CEP41: variants seen among roughly 807,000 people sequenced by gnomAD.
CEP41 encodes centrosomal protein 41, also known as centrosomal protein of 41 kDa.
In CEP41, 32 loss-of-function variants were observed where a neutral mutation model predicts 44.3. The observed-to-expected ratio is 0.72, with a 90% CI of 0.54 to 0.97. The LOEUF is 0.97. Among genes scored for constraint, CEP41 ranks in the 50% least tolerant of loss-of-function variants. CEP41 has a pLI of 0.00. For synonymous variants in CEP41, 151 were observed against 168.5 expected (o/e 0.90, Z 0.80); for missense variants, 432 against 455.2 (o/e 0.95, Z 0.46).
chr7:130,441,213 G>T, upstream of CEP41: 1 of 654,638 alleles, frequency 1.5e-6, no homozygotes, highest in Non-Finnish European at 2.8e-6. Context: ...TGTTCTCTGG[G>T]CTGGGGCTCG....
At chr7:130,411,709 T>C (rs1797186299) in intron 4 of CEP41, among the ~76,000 whole-genome samples, 1 of 152,190 alleles carries the variant, frequency 6.6e-6, no homozygotes, top group Non-Finnish European at 1.5e-5. Flanking sequence ...AGTGGAACTC[T>C]TGGAACTGGA....
Position 130,398,085 on chromosome 7 carries a change from A to G in CEP41, c.*806T>C. The G allele has an allele frequency of 4.4e-6, 2 of 454,158 alleles. No homozygotes were observed. The highest frequency in any genetic ancestry group is 3.1e-5 in the South Asian group (2 of 64,476). 28.1% of individuals were successfully genotyped at this position (454,158 alleles called of 1,614,324 possible). A position where few individuals can be genotyped will look rare whatever the true frequency, so the allele number is the denominator to read the frequency against. The stretch of plus-strand genomic sequence containing the variant: ...GGACTGAAGCTGGGCAATGGGCGTC[A>G]TAACTGATATACTGACCACAAGTGA... On this transcript the variant is annotated 3_prime_UTR_variant, in exon 11 of 11. Transcript: ENST00000223208.
intron 2 of CEP41, among the ~76,000 whole-genome samples, chr7:130,424,177 AC>A (rs1299586124): frequency 6.6e-6 from 1 of 152,184 alleles, no homozygotes; most frequent in African/African-American, 2.4e-5. Flanking sequence ...CAGGTGGATC[AC>A]TTGAGGTCAG....
intron 1 of CEP41, among the ~76,000 whole-genome samples, chr7:130,439,549 C>T (rs1309805619): frequency 6.6e-6 from 1 of 152,156 alleles, no homozygotes; most frequent in Non-Finnish European, 1.5e-5. Context: ...ACCCTCCAGG[C>T]TCTGGTAACC....
intron 1 of CEP41, among the ~76,000 whole-genome samples, chr7:130,436,509 C>T (rs1554426172): frequency 6.6e-6 from 1 of 151,848 alleles, no homozygotes; most frequent in Non-Finnish European, 1.5e-5. Flanking sequence ...TAAATCTATA[C>T]AAGTGATAAA....
At position 130,400,710 on chromosome 7, in the gene CEP41, C is replaced by T. The variant is rs201834429; in HGVS notation, c.754G>A (p.Gly252Arg). 198 of 1,602,834 alleles carry T rather than the reference C, an allele frequency of 1.2e-4. 1 individual carries two copies. Among genetic ancestry groups the T allele is most frequent in the East Asian group, 5.6e-4 (25 of 44,802 alleles). ...AGCAGAGTATCACCTTGCTCACCTC[C>T]GGAAAGCATGAAGAGGTTTTCAAAT... is the stretch of plus-strand genomic sequence containing the variant. The part of the protein sequence containing the change: ...RGFENLFMLS[G>R]GLKVLAQKFP... Residue 252 changes from glycine to arginine, a missense_variant, in exon 9 of 11, where the codon GGA becomes AGA. Transcript: ENST00000223208.
Position 130,398,022 on chromosome 7 carries a change from T to C in CEP41, c.*869A>G, listed in dbSNP as rs1796721828. Reference sequence around the variant, plus strand: ...ACAGTTGTCCAACCAAAGCTGGTATTTTCAACTGGCCATAATTTCTGTCCA... The same window carrying C: ...ACAGTTGTCCAACCAAAGCTGGTATCTTCAACTGGCCATAATTTCTGTCCA... On this transcript the variant is annotated 3_prime_UTR_variant, in exon 11 of 11. Coordinates refer to ENST00000223208, the MANE Select transcript of CEP41 (RefSeq NM_018718.3). The C allele has an allele frequency of 2.2e-6, 1 of 454,160 alleles. No homozygotes were observed. The highest frequency in any genetic ancestry group is 1.6e-5 in the South Asian group (1 of 64,484). 28.1% of individuals were successfully genotyped at this position (454,160 alleles called of 1,614,324 possible). A position where few individuals can be genotyped will look rare whatever the true frequency, so the allele number is the denominator to read the frequency against.
At chr7:130,440,050 G>C (rs73152896) in intron 1 of CEP41, among the ~76,000 whole-genome samples, 3 of 152,002 alleles carry the variant, frequency 2.0e-5, no homozygotes, top group Non-Finnish European at 4.4e-5. Flanking sequence ...AGACAGAGTC[G>C]CTCTTATCAC....
chr7:130,440,019 T>C (rs569218299), intron 1 of CEP41, among the ~76,000 whole-genome samples: 141 of 152,306 alleles, frequency 9.3e-4, no homozygotes, highest in African/African-American at 3.3e-3. Flanking sequence ...AATTTATTTA[T>C]TGTTTATTTT....
intron 1 of CEP41, among the ~76,000 whole-genome samples, chr7:130,436,613 G>C (rs1797971429): frequency 6.7e-6 from 1 of 149,712 alleles, no homozygotes; most frequent in South Asian, 2.1e-4. Context: ...GGGGAAAATG[G>C]GTGAAGGATA....
chr7:130,425,512 C>T (rs1461145819), intron 2 of CEP41, among the ~76,000 whole-genome samples: 4 of 152,170 alleles, frequency 2.6e-5, no homozygotes, highest in Non-Finnish European at 4.4e-5. Context: ...CAAATGCTGA[C>T]AAGGATGTGG....
At chr7:130,418,624 CA>C (rs1257268869) in intron 2 of CEP41, among the ~76,000 whole-genome samples, 1 of 152,068 alleles carries the variant, frequency 6.6e-6, no homozygotes, top group Non-Finnish European at 1.5e-5. Flanking sequence ...AAATGAGGGA[CA>C]AAAAGGAACA....
At chr7:130,429,161 T>C (rs2117680513) in intron 1 of CEP41, among the ~76,000 whole-genome samples, 1 of 152,242 alleles carries the variant, frequency 6.6e-6, no homozygotes, top group East Asian at 1.9e-4. Flanking sequence ...CCTGCAGGGA[T>C]CCAGCCCTAA....
chr7:130,439,699 G>GTACC (rs1798083720), intron 1 of CEP41, among the ~76,000 whole-genome samples: 1 of 152,046 alleles, frequency 6.6e-6, no homozygotes, highest in Non-Finnish European at 1.5e-5. Flanking sequence ...TCTCAGCCTA[G>GTACC]TACCAGGCAG....
intron 2 of CEP41, chr7:130,420,128 C>G (rs1014852533): frequency 2.8e-5 from 26 of 933,358 alleles, no homozygotes; most frequent in Non-Finnish European, 3.3e-5. Flanking sequence ...TCCGGACCAG[C>G]CTGGGCAAAA....
upstream of CEP41, chr7:130,441,132 G>C: frequency 1.3e-6 from 1 of 755,084 alleles, no homozygotes; most frequent in Non-Finnish European, 2.3e-6. Context: ...CTCATCTCAG[G>C]GTCGCAGAAG....
At chr7:130,416,326 C>A (rs1797334933) in intron 3 of CEP41, among the ~76,000 whole-genome samples, 1 of 152,184 alleles carries the variant, frequency 6.6e-6, no homozygotes, top group Non-Finnish European at 1.5e-5. Flanking sequence ...TGGATGCAGA[C>A]TGAAAAATTA....
chr7:130,406,569 G>C (rs939773878), intron 5 of CEP41, among the ~76,000 whole-genome samples: 2 of 152,020 alleles, frequency 1.3e-5, no homozygotes, highest in African/African-American at 4.8e-5. Flanking sequence ...GGGCAACAGA[G>C]CAGGACTCCA....
chr7:130,437,786 AAAG>A (rs1798018054), intron 1 of CEP41, among the ~76,000 whole-genome samples: 2 of 130,162 alleles, frequency 1.5e-5, no homozygotes, highest in African/African-American at 3.0e-5. Flanking sequence ...AAAAAAAAAA[AAAG>A]AAAAAGAAAA....
Sources: allele counts gnomAD v4.1 joint callset (sites outside exome capture counted in the v4.1 genomes callset), GRCh38; gene constraint gnomAD v4.1.1; transcripts MANE v1.5; gene names NCBI Gene and HGNC (gene_info 2026-07-23, HGNC 2026-07-21).